The following LRRC52 variants were observed in gnomAD, a reference collection of about 807,000 sequenced individuals.
LRRC52 encodes leucine-rich repeat-containing protein 52.
In LRRC52, 15 loss-of-function variants were observed where a neutral mutation model predicts 14.7. That is an observed-to-expected ratio of 1.02 (90% CI 0.68 to 1.58). The LOEUF is 1.58. Among genes scored for constraint, LRRC52 ranks in the 40% most tolerant of loss-of-function variants. LRRC52 has a pLI of 0.00. For missense variants in LRRC52, 400 were observed against 387.7 expected (o/e 1.03, Z -0.27); for synonymous variants, 180 against 163.9 (o/e 1.10, Z -0.75).
Position 165,563,613 on chromosome 1 carries a change from A to C in LRRC52, c.731A>C (p.Asp244Ala). The change falls in exon 2 of 2, where the codon GAC (aspartate) becomes GCC (alanine). Residue 244 changes from aspartate (D) to alanine (A), a missense_variant. Transcript: ENST00000294818. ...TGCATCACGCACCTGGACCACAAAG[A>C]CTACATCTTCCTGCTGCTCATCGGC... is the stretch of plus-strand genomic sequence containing the variant. The part of the protein sequence containing the change: ...YMCITHLDHK[D>A]YIFLLLIGFC... The C allele has an allele frequency of 2.5e-6, 4 of 1,614,172 alleles. No homozygotes were observed. Among genetic ancestry groups the C allele is most frequent in the Non-Finnish European group, 3.4e-6 (4 of 1,180,028 alleles).
Position 165,544,507 on chromosome 1 carries a change from A to G in LRRC52, c.211A>G (p.Met71Val). 1 of 1,614,138 alleles carries G rather than the reference A, an allele frequency of 6.2e-7. No individual in the cohort carries two copies. The highest frequency in any genetic ancestry group is 8.5e-7 in the Non-Finnish European group (1 of 1,180,008). Residue 71 changes from methionine to valine, a missense_variant, in exon 1 of 2, where the codon ATG becomes GTG. Transcript: ENST00000294818. ...GAACAGAATCACTAGTTTGCCAGCA[A>G]TGCATCTAGGACTCCTCAGTGACCT... ...NENRITSLPAMHLGLLSDLVY... is the reference protein window; with the variant it reads ...NENRITSLPAVHLGLLSDLVY...
Position 165,544,212 on chromosome 1 carries a change from C to A in LRRC52, c.-85C>A. 6 of 1,115,186 alleles carry A rather than the reference C, an allele frequency of 5.4e-6. 1 individual carries two copies. The highest frequency in any genetic ancestry group is 5.0e-6 in the Non-Finnish European group (4 of 805,970). 69.1% of individuals were successfully genotyped at this position (1,115,186 alleles called of 1,614,324 possible). A position where few individuals can be genotyped will look rare whatever the true frequency, so the allele number is the denominator to read the frequency against. ...TACAGTTCTTTCCAGAGCCCCTCCC[C>A]CGCCCCACCCCCCCACCGGCAGCCT... On this transcript the variant is annotated 5_prime_UTR_variant, in exon 1 of 2. Coordinates refer to ENST00000294818, the MANE Select transcript of LRRC52 (RefSeq NM_001005214.4).
intron 1 of LRRC52, among the ~76,000 whole-genome samples, chr1:165,559,010 T>C (rs1056712740): frequency 6.6e-6 from 1 of 152,218 alleles, no homozygotes; most frequent in Non-Finnish European, 1.5e-5. Flanking sequence ...TAATGAGAGA[T>C]ATTGGTCAAT....
In LRRC52 at chr1:165,544,244, C is replaced by T; in HGVS notation, c.-53C>T. ...ACCCCCCCACCGGCAGCCTTCGGAT[C>T]AGAGGACAGAGCCCGCAGGAAGGTG... On this transcript the variant is annotated 5_prime_UTR_variant, in exon 1 of 2. Coordinates refer to ENST00000294818, the MANE Select transcript of LRRC52 (RefSeq NM_001005214.4). The T allele has an allele frequency of 1.6e-6, 2 of 1,286,406 alleles. No homozygotes were observed. Among genetic ancestry groups the T allele is most frequent in the Non-Finnish European group, 1.0e-6 (1 of 956,336 alleles). The allele number at this position is 1,286,406 out of a possible 1,614,324, so 79.7% of individuals were successfully genotyped here. A position where few individuals can be genotyped will look rare whatever the true frequency, so the allele number is the denominator to read the frequency against.
Position 165,563,891 on chromosome 1 carries a change from C to A in LRRC52, c.*67C>A. The A allele has an allele frequency of 6.7e-7, 1 of 1,484,774 alleles. No homozygotes were observed. Among genetic ancestry groups the A allele is most frequent in the Non-Finnish European group, 9.2e-7 (1 of 1,082,154 alleles). The allele number at this position is 1,484,774 out of a possible 1,614,324, so 92.0% of individuals were successfully genotyped here. Reference sequence around the variant, plus strand: ...TGCTTTCTCTCTTGCCCTCCCCATCCCACCACCTTGGAGCTGTCATAGAGA... The same window carrying A: ...TGCTTTCTCTCTTGCCCTCCCCATCACACCACCTTGGAGCTGTCATAGAGA... On this transcript the variant is annotated 3_prime_UTR_variant, in exon 2 of 2. Coordinates refer to ENST00000294818, the MANE Select transcript of LRRC52 (RefSeq NM_001005214.4).
chr1:165,557,429 C>T (rs1661257740), intron 1 of LRRC52, among the ~76,000 whole-genome samples: 1 of 152,212 alleles, frequency 6.6e-6, no homozygotes. Flanking sequence ...CTTTCCTCCA[C>T]CTGAGCATTA....
chr1:165,561,577 T>A (rs1244920162), intron 1 of LRRC52, among the ~76,000 whole-genome samples: 3 of 152,164 alleles, frequency 2.0e-5, no homozygotes, highest in Admixed American at 1.3e-4. Context: ...AGCCCTCAAC[T>A]CCTTTCCCTC....
chr1:165,547,200 T>C (rs1661040716), intron 1 of LRRC52, among the ~76,000 whole-genome samples: 1 of 152,170 alleles, frequency 6.6e-6, no homozygotes, highest in South Asian at 2.1e-4. Context: ...GAAAGTGACT[T>C]GAACCCCTTG....
At chr1:165,547,156 A>G (rs1489501142) in intron 1 of LRRC52, among the ~76,000 whole-genome samples, 1 of 152,164 alleles carries the variant, frequency 6.6e-6, no homozygotes, top group Admixed American at 6.5e-5. Context: ...AAATAGACTC[A>G]CCTGCCCAAA....
At chr1:165,548,949 C>T (rs285438) in intron 1 of LRRC52, among the ~76,000 whole-genome samples, 110,691 of 152,084 alleles carry the variant, frequency 0.73, 43,539 homozygotes, top group Non-Finnish European at 0.87. Flanking sequence ...TAGAGGACAA[C>T]GCACCCTGTC....
chr1:165,558,204 T>C (rs28638190), intron 1 of LRRC52, among the ~76,000 whole-genome samples: 6,085 of 151,742 alleles, frequency 0.04, 398 homozygotes, highest in African/African-American at 0.14. Context: ...ATAAACCAGG[T>C]GGTGGTTTAT....
chr1:165,561,076 C>T (rs1015608167), intron 1 of LRRC52, among the ~76,000 whole-genome samples: 3 of 152,096 alleles, frequency 2.0e-5, no homozygotes, highest in Admixed American at 6.5e-5. Context: ...GCAGTGACTG[C>T]GACTGGGAAG....
At chr1:165,549,415 G>A (rs1661086204) in intron 1 of LRRC52, among the ~76,000 whole-genome samples, 1 of 152,174 alleles carries the variant, frequency 6.6e-6, no homozygotes, top group Non-Finnish European at 1.5e-5. Flanking sequence ...GCCCCAATGT[G>A]TCCCTATCCA....
Position 165,544,434 on chromosome 1 carries a change from A to C in LRRC52, c.138A>C (p.Glu46Asp), listed in dbSNP as rs373800156. The change falls in exon 1 of 2, where the codon GAA (glutamate) becomes GAC (aspartate). Residue 46 changes from glutamate to aspartate, a missense_variant. Physicochemically the swap from Glu to Asp is conservative, Grantham distance 45. Transcript: ENST00000294818. ...TCTGCACAGGGAAGCAGTTAACCGA[A>C]TACCCCCTTGACATACCCCTGAACA... is the stretch of plus-strand genomic sequence containing the variant. Reference protein sequence around the residue: ...EVICTGKQLTEYPLDIPLNTR... With the variant: ...EVICTGKQLTDYPLDIPLNTR... 17 of 1,613,974 alleles carry C rather than the reference A, an allele frequency of 1.1e-5. No individual in the cohort carries two copies. Among genetic ancestry groups the C allele is most frequent in the Non-Finnish European group, 1.4e-5 (17 of 1,180,024 alleles).
At chr1:165,559,781 C>CA (rs1159126614) in intron 1 of LRRC52, among the ~76,000 whole-genome samples, 28 of 152,222 alleles carry the variant, frequency 1.8e-4, no homozygotes, top group Admixed American at 9.8e-4. Context: ...TAATAAAGAT[C>CA]AAAAAACCCT....
intron 1 of LRRC52, among the ~76,000 whole-genome samples, chr1:165,558,991 T>C (rs1384712265): frequency 6.6e-6 from 1 of 152,212 alleles, no homozygotes; most frequent in Non-Finnish European, 1.5e-5. Context: ...CAAGAAGCAT[T>C]ACTAGAGATA....
At chr1:165,550,414 C>G (rs1172870759) in intron 1 of LRRC52, among the ~76,000 whole-genome samples, 3 of 152,166 alleles carry the variant, frequency 2.0e-5, no homozygotes, top group Admixed American at 1.3e-4. Context: ...CCATTGAGCT[C>G]TTGAAATTTG....
rs142543958 is a variant in LRRC52, at chr1:165,544,463, G to T, written c.167G>T (p.Arg56Leu). 1.2e-6 allele frequency: 2 copies of T among 1,613,948 alleles called. No individual in the cohort carries two copies. The highest frequency in any genetic ancestry group is 2.7e-5 in the African/African-American group (2 of 74,882). Reference sequence around the variant, plus strand: ...CCCCTTGACATACCCCTGAACACCCGGAGGCTGTTCCTGAACGAGAACAGA... The same window carrying T: ...CCCCTTGACATACCCCTGAACACCCTGAGGCTGTTCCTGAACGAGAACAGA... Reference protein sequence around the residue: ...EYPLDIPLNTRRLFLNENRIT... With the variant: ...EYPLDIPLNTLRLFLNENRIT... Residue 56 changes from arginine (R) to leucine (L), a missense_variant, in exon 1 of 2, where the codon CGG becomes CTG. Transcript: ENST00000294818.
At chr1:165,552,375 CATCCTGGAGGTA>C (rs1661149149) in intron 1 of LRRC52, among the ~76,000 whole-genome samples, 1 of 152,206 alleles carries the variant, frequency 6.6e-6, no homozygotes, top group South Asian at 2.1e-4. Context: ...AAGAGCTCCT[CATCCTGGAGGTA>C]ATCCTACAAA....
Sources: gnomAD v4.1 joint callset for allele counts (sites outside exome capture counted in the v4.1 genomes callset) on GRCh38, gnomAD v4.1.1 for gene constraint, MANE v1.5 for transcripts, NCBI Gene and HGNC (gene_info 2026-07-23, HGNC 2026-07-21) for gene names.